FAM186B: variants seen among roughly 807,000 people sequenced by gnomAD.
FAM186B encodes the protein protein FAM186B.
In FAM186B, 68 loss-of-function variants were observed where a neutral mutation model predicts 83.4. That is an observed-to-expected ratio of 0.81 (90% CI 0.67 to 1.00). The LOEUF is 1.00. FAM186B is among the 50% of genes least tolerant of loss of function. FAM186B has a pLI of 0.00. For missense variants in FAM186B, 983 were observed against 1,099.2 expected (o/e 0.89, Z 1.49); for synonymous variants, 389 against 422.0 (o/e 0.92, Z 0.96).
the FAM186B span, among the ~76,000 whole-genome samples, chr12:49,616,692 C>G: frequency 6.6e-6 from 1 of 152,146 alleles, no homozygotes; most frequent in Non-Finnish European, 1.5e-5. Context: ...GAAACCAGAT[C>G]AGTAGATGCC....
chr12:49,583,978 C>T (rs963045089), downstream of FAM186B: 2 of 158,610 alleles, frequency 1.3e-5, no homozygotes, highest in Non-Finnish European at 2.8e-5. Flanking sequence ...AACCTCATGT[C>T]TCCATGTCTT....
chr12:49,596,601 A>G (rs906859903), intron 5 of FAM186B, among the ~76,000 whole-genome samples: 2 of 152,222 alleles, frequency 1.3e-5, no homozygotes, highest in African/African-American at 4.8e-5. Flanking sequence ...CACTGCTAGA[A>G]GAACTATTAT....
At chr12:49,609,616 T>C (rs557022031), upstream of FAM186B, among the ~76,000 whole-genome samples, 11 of 152,306 alleles carry the variant, frequency 7.2e-5, no homozygotes, top group South Asian at 2.1e-3. Context: ...AGCAGTGCCC[T>C]CTGCATTCCA....
chr12:49,589,840 G>T (rs146889511), intron 5 of FAM186B, among the ~76,000 whole-genome samples: 2,868 of 151,984 alleles, frequency 0.019, 31 homozygotes, highest in Middle Eastern at 0.041. Flanking sequence ...AATTAGCTGG[G>T]TGTGGTGGCG....
chr12:49,620,115 T>A, the FAM186B span, among the ~76,000 whole-genome samples: 1 of 152,166 alleles, frequency 6.6e-6, no homozygotes, highest in African/African-American at 2.4e-5. Context: ...AGTGACTAGT[T>A]TACTAACTAG....
Position 49,604,524 on chromosome 12 carries a change from C to T in FAM186B, c.111G>A (p.Gln37=), listed in dbSNP as rs908354504. Residue 37 remains glutamine (Q), a synonymous_variant, in exon 2 of 7, where the codon CAG becomes CAA. Coordinates refer to ENST00000257894, the MANE Select transcript of FAM186B (RefSeq NM_032130.3). The part of the protein sequence containing the change: ...LTRAQEDIST[Q]LSDILDNVNC... ...TGACATTGTCCAAAATGTCTGAGAG[C>T]TGGGTAGAAATATCCTATAGAGAAG... is the stretch of plus-strand genomic sequence containing the variant. 6.2e-7 allele frequency: 1 copy of T among 1,613,956 alleles called. No homozygotes were observed. The highest frequency in any genetic ancestry group is 8.5e-7 in the Non-Finnish European group (1 of 1,179,960).
chr12:49,598,479 T>C (rs1386345831), intron 5 of FAM186B, among the ~76,000 whole-genome samples: 1 of 152,134 alleles, frequency 6.6e-6, no homozygotes, highest in Non-Finnish European at 1.5e-5. Flanking sequence ...CCAGAAGAAC[T>C]CTTCTCTTCC....
intron 5 of FAM186B, among the ~76,000 whole-genome samples, chr12:49,591,924 G>A (rs191481173): frequency 6.7e-4 from 102 of 152,246 alleles, no homozygotes; most frequent in African/African-American, 2.3e-3. Context: ...AAAAAAGTCT[G>A]TTCATGTTCA....
chr12:49,591,661 TC>T (rs1347766665), intron 5 of FAM186B, among the ~76,000 whole-genome samples: 1 of 152,146 alleles, frequency 6.6e-6, no homozygotes. Flanking sequence ...ATTATTCTTT[TC>T]CCTTTGCTTA....
At chr12:49,619,483 G>T in the FAM186B span, 1 of 678,902 alleles carries the variant, frequency 1.5e-6, no homozygotes, top group East Asian at 2.8e-5. Context: ...TGAAGAGCAG[G>T]GGAAATACTA....
At chr12:49,591,602 A>T (rs1459568850) in intron 5 of FAM186B, among the ~76,000 whole-genome samples, 1 of 152,234 alleles carries the variant, frequency 6.6e-6, no homozygotes, top group Non-Finnish European at 1.5e-5. Flanking sequence ...ATTTGGATCT[A>T]CACAAAAGAG....
the FAM186B span, among the ~76,000 whole-genome samples, chr12:49,613,290 G>A: frequency 6.6e-6 from 1 of 152,160 alleles, no homozygotes; most frequent in Non-Finnish European, 1.5e-5. Context: ...CACTTTGGGA[G>A]GCCGAGGTGG....
Position 49,598,750 on chromosome 12 carries a change from C to T in FAM186B, c.2364+5G>A, listed in dbSNP as rs749158882. 35 of 1,582,224 alleles carry T rather than the reference C, an allele frequency of 2.2e-5. No individual in the cohort carries two copies. Among genetic ancestry groups the T allele is most frequent in the Non-Finnish European group, 2.7e-5 (31 of 1,167,714 alleles). On this transcript the variant is annotated splice_donor_5th_base_variant and intron_variant, in intron 5 of 6. Transcript: ENST00000257894. Reference sequence around the variant, plus strand: ...GTGGCGGGGGGGTCAGGGCGGGAGGCCCACCTTGGGGAACATGGTCACCAT... The same window carrying T: ...GTGGCGGGGGGGTCAGGGCGGGAGGTCCACCTTGGGGAACATGGTCACCAT...
chr12:49,605,043 G>T (rs928280385), intron 1 of FAM186B, among the ~76,000 whole-genome samples: 1 of 152,094 alleles, frequency 6.6e-6, no homozygotes, highest in African/African-American at 2.4e-5. Flanking sequence ...GCTCAGCTTG[G>T]GGGATTCTGG....
At chr12:49,610,789 CA>C in the FAM186B span, among the ~76,000 whole-genome samples, 309 of 63,592 alleles carry the variant, frequency 4.9e-3, 1 homozygote, top group East Asian at 0.031. Flanking sequence ...GACTCCATCT[CA>C]AAAAAAAAAA....
At position 49,600,215 on chromosome 12, in the gene FAM186B, G is replaced by A. The variant is rs1939846534; in HGVS notation, c.1425C>T (p.Ser475=). 1 of 1,612,362 alleles carries A rather than the reference G, an allele frequency of 6.2e-7. No individual in the cohort carries two copies. The highest frequency in any genetic ancestry group is 1.7e-5 in the Admixed American group (1 of 59,918). Residue 475 remains serine (S), a synonymous_variant, in exon 4 of 7, where the codon AGC becomes AGT. Coordinates refer to ENST00000257894, the MANE Select transcript of FAM186B (RefSeq NM_032130.3). This position sits in a 1 kb window ranked among gnomAD's most constrained non-coding sequence, Gnocchi z 4.3. ...ATTCCTCCTCCCAGGGCTCCTCTTG[G>A]CTCTCAGAGGTCACCTGCCTGGAGC... ...LESSRQVTSE[S]QEEPWEEEFG... is the part of the protein sequence containing the mutation.
At chr12:49,589,792 C>T (rs1224504432) in intron 5 of FAM186B, among the ~76,000 whole-genome samples, 1 of 151,928 alleles carries the variant, frequency 6.6e-6, no homozygotes, top group Non-Finnish European at 1.5e-5. Flanking sequence ...ACCATCCTGG[C>T]CAACATGGTG....
intron 5 of FAM186B, among the ~76,000 whole-genome samples, chr12:49,593,727 CT>C (rs1389139226): frequency 6.6e-6 from 1 of 151,644 alleles, no homozygotes; most frequent in East Asian, 1.9e-4. Flanking sequence ...AATCCCAATA[CT>C]TTGGGAGGTC....
intron 1 of FAM186B, chr12:49,604,741 T>C: frequency 1.9e-6 from 1 of 514,178 alleles, no homozygotes; most frequent in East Asian, 3.1e-5. Context: ...CTTTTAATAG[T>C]ACCTGGCACA....
Sources: allele counts gnomAD v4.1 joint callset (sites outside exome capture counted in the v4.1 genomes callset), GRCh38; gene constraint gnomAD v4.1.1; non-coding constraint Gnocchi (gnomAD v3.1); transcripts MANE v1.5; gene names NCBI Gene and HGNC (gene_info 2026-07-23, HGNC 2026-07-21).